Variants in PAXIP1 observed in about 807,000 individuals in gnomAD.
PAXIP1 encodes PAX interacting protein 1, also known as PAX-interacting protein 1.
In PAXIP1, 19 loss-of-function variants were observed where a neutral mutation model predicts 140.6. The ratio of observed to expected loss-of-function variants is 0.14; its 90% CI spans 0.09 to 0.20. PAXIP1 has a LOEUF of 0.20. PAXIP1 is among the 10% of genes least tolerant of loss of function. The pLI is 1.00. For synonymous variants in PAXIP1, 442 were observed against 444.6 expected (o/e 0.99, Z 0.07); for missense variants, 920 against 1,208.6 (o/e 0.76, Z 3.54).
In PAXIP1 at chr7:154,956,090, C is replaced by T. The variant is rs771945402; in HGVS notation, c.2550-459G>A. Among the ~76,000 whole-genome samples the T allele has an allele frequency of 1.0e-3, 156 of 152,204 alleles. 3 individuals are homozygous for T. The highest frequency in any genetic ancestry group is 7.9e-4 in the Non-Finnish European group (54 of 68,040). On this transcript the variant is annotated intron_variant, in intron 14 of 20. Coordinates refer to ENST00000404141, the MANE Select transcript of PAXIP1 (RefSeq NM_007349.4). This position sits in a 1 kb window ranked among gnomAD's most constrained non-coding sequence, Gnocchi z 4.2. ...AATACAAGTCAGCCAAGACGAGTGT[C>T]GCTAGAGCTTCCAGTGTCTTTCACA...
chr7:154,982,799 C>A (rs1421994863), intron 5 of PAXIP1, among the ~76,000 whole-genome samples: 2 of 152,042 alleles, frequency 1.3e-5, no homozygotes, highest in Non-Finnish European at 2.9e-5. Context: ...TTCATATATT[C>A]CAGATTATGA....
rs1563372511 is a variant in PAXIP1, at chr7:154,968,672, TGGAGCTGGTGCTGCTGCA to T, written c.1511_1528del (p.Leu504_Leu509del). On this transcript the variant is annotated inframe_deletion, in exon 7 of 21. Coordinates refer to ENST00000404141, the MANE Select transcript of PAXIP1 (RefSeq NM_007349.4). ...CTGGAGCTGGGCAAGCTGCTGCTGC[TGGAGCTGGTGCTGCTGCA>T]GCTGATGGAACTGCTGCTGCAGGGC... 1.4e-6 allele frequency: 1 copy of T among 716,394 alleles called. No individual in the cohort carries two copies. Among genetic ancestry groups the T allele is most frequent in the Admixed American group, 2.0e-5 (1 of 49,816 alleles). The allele number at this position is 716,394 out of a possible 1,614,324, so 44.4% of individuals were successfully genotyped here. A position where few individuals can be genotyped will look rare whatever the true frequency, so the allele number is the denominator to read the frequency against.
In PAXIP1 at chr7:154,968,847, G is replaced by A; in HGVS notation, c.1354C>T (p.Gln452Ter). Residue 452 changes from glutamine to a stop codon, truncating the protein, a stop_gained, in exon 7 of 21, where the codon CAG becomes TAG. Coordinates refer to ENST00000404141, the MANE Select transcript of PAXIP1 (RefSeq NM_007349.4). LOFTEE classifies it high-confidence loss of function. ...GGATGGGCTTGCTGCTGCTGCTGCTGTTGCTGTGAAAATGGATGCGGCGGC... is the reference window on the plus strand; with the variant it reads ...GGATGGGCTTGCTGCTGCTGCTGCTATTGCTGTGAAAATGGATGCGGCGGC... ...QQPPHPFSQQ[Q>*]QQQQQAHPHQ... The A allele has an allele frequency of 1.3e-6, 1 of 774,798 alleles. No homozygotes were observed. Among genetic ancestry groups the A allele is most frequent in the African/African-American group, 1.7e-5 (1 of 58,418 alleles). The allele number at this position is 774,798 out of a possible 1,614,324, so 48.0% of individuals were successfully genotyped here. A position where few individuals can be genotyped will look rare whatever the true frequency, so the allele number is the denominator to read the frequency against.
Position 154,956,201 on chromosome 7 carries a change from A to G in PAXIP1, c.2550-570T>C, listed in dbSNP as rs1000468400. Among the ~76,000 whole-genome samples, 1 of 152,178 alleles carries G rather than the reference A, an allele frequency of 6.6e-6. No homozygotes were observed. Among genetic ancestry groups the G allele is most frequent in the Admixed American group, 6.5e-5 (1 of 15,278 alleles). On this transcript the variant is annotated intron_variant, in intron 14 of 20. Coordinates refer to ENST00000404141, the MANE Select transcript of PAXIP1 (RefSeq NM_007349.4). The surrounding 1 kb of genome is among the most constrained non-coding windows in gnomAD (Gnocchi z 4.2). ...ATTAAACCTTTTTGTTTTTTACATGAATTTTTTAGGTCTTTTTTTCAGGTT... is the reference window on the plus strand; with the variant it reads ...ATTAAACCTTTTTGTTTTTTACATGGATTTTTTAGGTCTTTTTTTCAGGTT...
chr7:154,994,712 A>G (rs1038932175), intron 2 of PAXIP1, among the ~76,000 whole-genome samples: 2 of 152,184 alleles, frequency 1.3e-5, no homozygotes, highest in South Asian at 2.1e-4. Flanking sequence ...ATTTTTCAGC[A>G]TAACTCTAAA....
At chr7:154,995,064 C>T (rs1440424056) in intron 2 of PAXIP1, among the ~76,000 whole-genome samples, 3 of 152,178 alleles carry the variant, frequency 2.0e-5, no homozygotes, top group Non-Finnish European at 4.4e-5. Flanking sequence ...CACCCAGAAA[C>T]CCCTCTCTCC....
At chr7:155,001,802 T>C (rs994705293) in intron 1 of PAXIP1, 3 of 152,278 alleles carry the variant, frequency 2.0e-5, no homozygotes, top group Non-Finnish European at 4.4e-5. Flanking sequence ...GAAGTCTCTT[T>C]ACCCTAAAGT....
intron 16 of PAXIP1, among the ~76,000 whole-genome samples, chr7:154,953,329 G>C (rs1263088958): frequency 1.3e-5 from 2 of 152,246 alleles, no homozygotes; most frequent in Non-Finnish European, 2.9e-5. Flanking sequence ...ACAGAAAAAT[G>C]AGCATGTGGA....
intron 20 of PAXIP1, chr7:154,945,711 A>G: frequency 1.0e-6 from 1 of 985,424 alleles, no homozygotes; most frequent in South Asian, 4.7e-5. Flanking sequence ...CGGAAGTGGA[A>G]ACAGAATTTT....
intron 16 of PAXIP1, among the ~76,000 whole-genome samples, chr7:154,953,583 C>A (rs758656274): frequency 1.2e-4 from 18 of 152,122 alleles, no homozygotes; most frequent in Non-Finnish European, 2.5e-4. Context: ...CTGGGGACAC[C>A]AACCCTGCAG....
intron 6 of PAXIP1, among the ~76,000 whole-genome samples, chr7:154,975,156 CAA>C (rs61595965): frequency 0.53 from 56,538 of 106,152 alleles, 12,985 homozygotes; most frequent in Middle Eastern, 0.63. Flanking sequence ...GACTCCATCT[CAA>C]AAAAAAAAAA....
rs746498269 is a variant in PAXIP1 at position 154,973,531 on chromosome 7, G to A, written c.1074+2165C>T. Among the ~76,000 whole-genome samples, 2 of 152,128 alleles carry A rather than the reference G, an allele frequency of 1.3e-5. No homozygotes were observed. Among genetic ancestry groups the A allele is most frequent in the African/African-American group, 2.4e-5 (1 of 41,412 alleles). ...TCCCCCACCATCTTAACTGTCTGCT[G>A]TCTAACATCTAAAGGGCATGTTTGC... is the stretch of plus-strand genomic sequence containing the variant. On this transcript the variant is annotated intron_variant, in intron 6 of 20. Transcript: ENST00000404141. This position sits in a 1 kb window ranked among gnomAD's most constrained non-coding sequence, Gnocchi z 4.0.
intron 6 of PAXIP1, among the ~76,000 whole-genome samples, chr7:154,971,197 G>A (rs1194983368): frequency 6.6e-6 from 1 of 152,248 alleles, no homozygotes; most frequent in African/African-American, 2.4e-5. Context: ...TAGGACAGGA[G>A]GCAACTTACA....
rs769910731 is a variant in PAXIP1 at position 154,983,260 on chromosome 7, T to C, written c.397A>G (p.Asn133Asp). ...ACAATCAAATGCGTGCATTTCTTAT[T>C]GAGGGTTAGCTGGCAATCTCCCCCA... The part of the protein sequence containing the change: ...FYGGDCQLTL[N>D]KKCTHLIVPE... The change falls in exon 5 of 21, where the codon AAT becomes GAT. Residue 133 changes from asparagine to aspartate, a missense_variant. Around this residue, in one of 5 missense-constraint regions of PAXIP1, gnomAD observed 419 missense variants for 514.7 expected, o/e 0.81. Coordinates refer to ENST00000404141, the MANE Select transcript of PAXIP1 (RefSeq NM_007349.4). 9.3e-6 allele frequency: 15 copies of C among 1,612,760 alleles called. No homozygotes were observed. Among genetic ancestry groups the C allele is most frequent in the East Asian group, 2.2e-5 (1 of 44,826 alleles).
In PAXIP1 at chr7:155,002,971, C is replaced by A. The variant is rs1449285273; in HGVS notation, c.-42G>T. ...GAGGCTCCGCGGCGGCGCCCGGCCC[C>A]GCCCACCCCCCGCCCCCGGCCCCCG... is the stretch of plus-strand genomic sequence containing the variant. On this transcript the variant is annotated 5_prime_UTR_variant, in exon 1 of 21. Coordinates refer to ENST00000404141, the MANE Select transcript of PAXIP1 (RefSeq NM_007349.4). The A allele has an allele frequency of 1.1e-6, 1 of 925,558 alleles. No individual in the cohort carries two copies. Among genetic ancestry groups the A allele is most frequent in the Non-Finnish European group, 1.3e-6 (1 of 754,932 alleles). The allele number at this position is 925,558 out of a possible 1,614,324, so 57.3% of individuals were successfully genotyped here.
chr7:154,954,209 A>G lies in PAXIP1; in HGVS notation c.2821+46T>C, dbSNP rs1195422956. The G allele has an allele frequency of 3.9e-6, 5 of 1,293,136 alleles. No individual in the cohort carries two copies. Among genetic ancestry groups the G allele is most frequent in the South Asian group, 4.8e-5 (2 of 41,960 alleles). The allele number at this position is 1,293,136 out of a possible 1,614,324, so 80.1% of individuals were successfully genotyped here. On this transcript the variant is annotated intron_variant, in intron 16 of 20. Transcript: ENST00000404141. This position sits in a 1 kb window ranked among gnomAD's most constrained non-coding sequence, Gnocchi z 5.1. ...AAAGAGATGAATTCAAGAAAAAAAA[A>G]AGTTTATTTGGCATTAAAAGCAAAG...
chr7:154,946,726 A>G lies in PAXIP1; in HGVS notation c.3010T>C (p.Ser1004Pro), dbSNP rs1480835736. ...AGCTTCCGGAAAGATGGCTGCTTGG[A>G]TAACACCTTTCCTCCTGCACACTCT... ...IVECAGGKVL[S>P]KQPSFRKLME... is the part of the protein sequence containing the mutation. The change falls in exon 18 of 21, where the codon TCC becomes CCC. Residue 1004 changes from serine to proline, a missense_variant. Transcript: ENST00000404141. This position sits in a 1 kb window ranked among gnomAD's most constrained non-coding sequence, Gnocchi z 4.9. The G allele has an allele frequency of 4.3e-6, 7 of 1,613,606 alleles. No homozygotes were observed. Among genetic ancestry groups the G allele is most frequent in the Non-Finnish European group, 5.1e-6 (6 of 1,179,794 alleles).
Position 154,969,001 on chromosome 7 carries a change from C to T in PAXIP1, c.1200G>A (p.Met400Ile). The T allele has an allele frequency of 6.4e-7, 1 of 1,550,958 alleles. No individual in the cohort carries two copies. The highest frequency in any genetic ancestry group is 1.2e-5 in the South Asian group (1 of 83,982). ...SQVKVTPETH[M>I]LQQQQQAQQQ... ...GCTGGGCCTGCTGCTGCTGCTGTAG[C>T]ATGTGTGTCTCTGGAGTCACTTTCA... The change falls in exon 7 of 21, where the codon ATG becomes ATA. Residue 400 changes from methionine to isoleucine, a missense_variant. By Grantham distance (10) the Met-to-Ile change is conservative. This residue lies in a region of PAXIP1 where 419 missense variants were observed against 514.7 expected (regional missense o/e 0.81). Coordinates refer to ENST00000404141, the MANE Select transcript of PAXIP1 (RefSeq NM_007349.4).
intron 1 of PAXIP1, among the ~76,000 whole-genome samples, chr7:155,002,398 G>C (rs902751624): frequency 6.6e-6 from 1 of 152,106 alleles, no homozygotes; most frequent in African/African-American, 2.4e-5. Context: ...GCCGAGCGAG[G>C]CTGGGGTCCC....
Sources: gnomAD v4.1 joint callset for allele counts (sites outside exome capture counted in the v4.1 genomes callset) on GRCh38, gnomAD v4.1.1 for gene constraint, gnomAD v4.1.1 regional missense constraint, Gnocchi (gnomAD v3.1) non-coding constraint, MANE v1.5 for transcripts, NCBI Gene and HGNC (gene_info 2026-07-23, HGNC 2026-07-21) for gene names.